ZBTB7C: variants seen among roughly 807,000 people sequenced by gnomAD.
The protein encoded by ZBTB7C is zinc finger and BTB domain containing 7C.
In ZBTB7C, 8 loss-of-function variants were observed where a neutral mutation model predicts 25.7. The ratio of observed to expected loss-of-function variants is 0.31; its 90% CI spans 0.18 to 0.56. The LOEUF is 0.56. ZBTB7C is among the 20% of genes least tolerant of loss of function. The probability of loss-of-function intolerance (pLI) is 0.91; values close to 1 mark genes in which losing one functional copy is unlikely to be tolerated. For missense variants in ZBTB7C, 824 were observed against 855.2 expected, an observed-to-expected ratio of 0.96 and a Z score of 0.46; for synonymous variants, 394 against 369.0, an observed-to-expected ratio of 1.07 and a Z score of -0.78.
At chr18:48,216,721 C>T (rs898525163) in intron 2 of ZBTB7C, among the ~76,000 whole-genome samples, 1 of 152,148 alleles carries the variant, frequency 6.6e-6, no homozygotes, top group Admixed American at 6.5e-5. Flanking sequence ...CCTGAGCCCG[C>T]TCAGTCCATC....
intron 3 of ZBTB7C, among the ~76,000 whole-genome samples, chr18:48,130,038 G>C (rs1440567571): frequency 6.6e-6 from 1 of 152,174 alleles, no homozygotes; most frequent in African/African-American, 2.4e-5. Flanking sequence ...CAGAGCCCCA[G>C]TAGGGGAGGG....
At chr18:48,327,756 G>A (rs1289432805) in intron 2 of ZBTB7C, among the ~76,000 whole-genome samples, 2 of 150,962 alleles carry the variant, frequency 1.3e-5, no homozygotes, top group Admixed American at 1.3e-4. Context: ...ATTGGAGGAG[G>A]AGGGGGGCAC....
intron 3 of ZBTB7C, among the ~76,000 whole-genome samples, chr18:48,145,684 C>T (rs543933971): frequency 3.9e-5 from 6 of 152,258 alleles, no homozygotes; most frequent in South Asian, 4.1e-4. Context: ...ACCCTGTTTA[C>T]GTAACTCATG....
At chr18:48,052,692 G>C (rs7244127) in intron 3 of ZBTB7C, among the ~76,000 whole-genome samples, 63,679 of 152,024 alleles carry the variant, frequency 0.42, 14,038 homozygotes, top group East Asian at 0.58. Flanking sequence ...AAAACCCTCT[G>C]GGGGAGGAAT....
intron 3 of ZBTB7C, chr18:48,137,481 T>C (rs1320775454): frequency 4.6e-6 from 1 of 218,318 alleles, no homozygotes; most frequent in Non-Finnish European, 7.8e-6. Context: ...CAAGGGAGGC[T>C]TTTTATTATT....
intron 3 of ZBTB7C, among the ~76,000 whole-genome samples, chr18:48,086,673 G>A (rs1350086385): frequency 6.6e-6 from 1 of 152,198 alleles, no homozygotes; most frequent in East Asian, 1.9e-4. Context: ...AGATGCATGT[G>A]AACTTTATCT....
chr18:48,205,206 G>C (rs1373915446), intron 2 of ZBTB7C, among the ~76,000 whole-genome samples: 1 of 152,052 alleles, frequency 6.6e-6, no homozygotes, highest in Non-Finnish European at 1.5e-5. Flanking sequence ...GTTCAGGCAA[G>C]ACTAGAACAA....
intron 3 of ZBTB7C, among the ~76,000 whole-genome samples, chr18:48,109,666 G>A (rs1380363395): frequency 1.3e-5 from 2 of 152,148 alleles, no homozygotes; most frequent in Non-Finnish European, 2.9e-5. Context: ...AAAGACAGCC[G>A]AGTGACAAGG....
chr18:48,095,810 G>A (rs12957139), intron 3 of ZBTB7C, among the ~76,000 whole-genome samples: 48,755 of 152,096 alleles, frequency 0.32, 9,126 homozygotes, highest in South Asian at 0.52. Context: ...TGTAACCCAC[G>A]GCTGAGGGAC....
At chr18:48,382,336 G>C (rs1411151873) in intron 1 of ZBTB7C, among the ~76,000 whole-genome samples, 2 of 152,162 alleles carry the variant, frequency 1.3e-5, no homozygotes, top group East Asian at 3.9e-4. Context: ...AAAACCATTT[G>C]CTAAGAATTA....
chr18:48,328,851 A>G (rs918957962), intron 2 of ZBTB7C, among the ~76,000 whole-genome samples: 9 of 152,216 alleles, frequency 5.9e-5, no homozygotes, highest in Admixed American at 4.6e-4. Context: ...AGGACTCACT[A>G]CATGGCCGCC....
At chr18:48,311,586 G>A (rs1180910097) in intron 2 of ZBTB7C, among the ~76,000 whole-genome samples, 1 of 146,394 alleles carries the variant, frequency 6.8e-6, no homozygotes, top group Admixed American at 6.6e-5. Context: ...CAACAGATGA[G>A]AAAACTGAGG....
intron 3 of ZBTB7C, among the ~76,000 whole-genome samples, chr18:48,127,472 G>A (rs1422700908): frequency 6.6e-6 from 1 of 152,314 alleles, no homozygotes; most frequent in South Asian, 2.1e-4. Context: ...AGAAGGAAGG[G>A]GCCAAAGACC....
chr18:48,061,638 G>A (rs944661381), intron 3 of ZBTB7C, among the ~76,000 whole-genome samples: 6 of 152,202 alleles, frequency 3.9e-5, no homozygotes, highest in African/African-American at 1.2e-4. Context: ...AAATCATTAC[G>A]GAATCACCCA....
chr18:48,060,324 T>G (rs1209481981), intron 3 of ZBTB7C, among the ~76,000 whole-genome samples: 1 of 152,172 alleles, frequency 6.6e-6, no homozygotes, highest in South Asian at 2.1e-4. Context: ...GGAGCGGGGA[T>G]GGGGATGGCC....
upstream of ZBTB7C, among the ~76,000 whole-genome samples, chr18:48,411,438 C>A (rs1007577523): frequency 5.9e-5 from 9 of 152,232 alleles, no homozygotes; most frequent in Non-Finnish European, 1.2e-4. Context: ...GCTGTGGCAG[C>A]CACTGCCCTC....
intron 2 of ZBTB7C, among the ~76,000 whole-genome samples, chr18:48,283,351 CTTCT>C (rs895587592): frequency 4.6e-5 from 7 of 152,094 alleles, no homozygotes; most frequent in South Asian, 4.2e-4. Flanking sequence ...AATTTAATTT[CTTCT>C]TTCTATTTTC....
intron 1 of ZBTB7C, among the ~76,000 whole-genome samples, chr18:48,395,580 C>T (rs2048013508): frequency 1.3e-5 from 2 of 151,966 alleles, no homozygotes; most frequent in Admixed American, 6.6e-5. Flanking sequence ...CAAATGGCTA[C>T]TTTCCCAGGG....
chr18:48,115,552 TACACACACACACACAA>T (rs1568230601), intron 3 of ZBTB7C, among the ~76,000 whole-genome samples: 9 of 151,920 alleles, frequency 5.9e-5, no homozygotes, highest in Admixed American at 1.3e-4. Context: ...GAGTGACCTT[TACACACACACACACAA>T]ACACACACAC....
Sources: allele counts gnomAD v4.1 joint callset (sites outside exome capture counted in the v4.1 genomes callset), GRCh38; gene constraint gnomAD v4.1.1; transcripts MANE v1.5; gene names NCBI Gene and HGNC (gene_info 2026-07-23, HGNC 2026-07-21).